RAB31: variants seen among roughly 807,000 people sequenced by gnomAD.
RAB31 encodes RAB31, member RAS oncogene family.
Under a neutral mutation model 25.6 loss-of-function variants are expected in RAB31, and 21 were observed. The ratio of observed to expected loss-of-function variants is 0.82; its 90% CI spans 0.58 to 1.18. The LOEUF (loss-of-function observed/expected upper bound fraction) is 1.18, where lower values mean the gene tolerates loss of function less well. Among genes scored for constraint, RAB31 ranks in the 50% most tolerant of loss-of-function variants. RAB31 has a pLI of 0.00. For missense variants in RAB31, 196 were observed against 250.1 expected, an observed-to-expected ratio of 0.78 and a Z score of 1.46; for synonymous variants, 87 against 84.0, an observed-to-expected ratio of 1.04 and a Z score of -0.20.
chr18:9,822,705 G>A (rs922909117), intron 5 of RAB31, among the ~76,000 whole-genome samples: 23 of 152,106 alleles, frequency 1.5e-4, no homozygotes, highest in African/African-American at 4.3e-4. Context: ...ATAAGGCGAC[G>A]TTCAATATCA....
chr18:9,824,588 C>T (rs1599055207), intron 5 of RAB31, among the ~76,000 whole-genome samples: 1 of 152,180 alleles, frequency 6.6e-6, no homozygotes, highest in Non-Finnish European at 1.5e-5. Context: ...ATTCGCCCTC[C>T]AACCTTGGCT....
At chr18:9,815,253 A>T (rs2068595489) in intron 5 of RAB31, 31 bp downstream of exon 5, 2 of 1,440,218 alleles carry the variant, frequency 1.4e-6, no homozygotes, top group Non-Finnish European at 1.9e-6. Context: ...TTTTGTGTAG[A>T]TACTGTCCTC....
chr18:9,769,302 C>T (rs906200879), intron 1 of RAB31, among the ~76,000 whole-genome samples: 7 of 152,252 alleles, frequency 4.6e-5, no homozygotes, highest in East Asian at 1.9e-4. Flanking sequence ...ACCATTTTCA[C>T]GATATTGATT....
chr18:9,711,709 C>T (rs1185285947), intron 1 of RAB31, among the ~76,000 whole-genome samples: 1 of 152,214 alleles, frequency 6.6e-6, no homozygotes, highest in Non-Finnish European at 1.5e-5. Flanking sequence ...AGCCATGAGA[C>T]ACCTCCCTGA....
intron 1 of RAB31, among the ~76,000 whole-genome samples, chr18:9,719,660 T>C (rs1305946971): frequency 1.6e-4 from 25 of 152,080 alleles, no homozygotes; most frequent in Non-Finnish European, 1.5e-5. Flanking sequence ...AACCTCACCA[T>C]CCTGCCCTGT....
intron 3 of RAB31, among the ~76,000 whole-genome samples, chr18:9,807,265 C>T (rs559941425): frequency 4.4e-4 from 67 of 152,156 alleles, no homozygotes; most frequent in Non-Finnish European, 2.2e-4. Context: ...GGCTGTGCAG[C>T]GAAGATACTG....
chr18:9,782,125 G>A (rs2068408075), intron 2 of RAB31, among the ~76,000 whole-genome samples: 1 of 152,180 alleles, frequency 6.6e-6, no homozygotes, highest in African/African-American at 2.4e-5. Flanking sequence ...TGCCATTCCC[G>A]CTAGGTATTG....
intron 1 of RAB31, among the ~76,000 whole-genome samples, chr18:9,745,606 C>G (rs1385298190): frequency 6.6e-6 from 1 of 152,020 alleles, no homozygotes; most frequent in Non-Finnish European, 1.5e-5. Context: ...GGGGTTTATC[C>G]CAGGAGTGCA....
At chr18:9,768,397 C>T (rs1342934998) in intron 1 of RAB31, among the ~76,000 whole-genome samples, 1 of 152,214 alleles carries the variant, frequency 6.6e-6, no homozygotes, top group Non-Finnish European at 1.5e-5. Context: ...ACCATTCTAA[C>T]TGGTGTGAGA....
chr18:9,771,084 T>A (rs2068342633), intron 1 of RAB31, among the ~76,000 whole-genome samples: 1 of 151,962 alleles, frequency 6.6e-6, no homozygotes, highest in South Asian at 2.1e-4. Flanking sequence ...AGCGAGAGGA[T>A]CACTTGAGCT....
intron 6 of RAB31, among the ~76,000 whole-genome samples, chr18:9,858,897 G>C (rs1018617213): frequency 6.6e-6 from 1 of 152,200 alleles, no homozygotes; most frequent in Non-Finnish European, 1.5e-5. Flanking sequence ...GGAGAGGGAA[G>C]AGCGCGCTGA....
chr18:9,777,171 T>G (rs1436823507), intron 2 of RAB31, among the ~76,000 whole-genome samples: 1 of 19,210 alleles, frequency 5.2e-5, no homozygotes. Flanking sequence ...GTGAAACCCC[T>G]CTCTACTAAA....
chr18:9,768,579 G>T (rs1328352019), intron 1 of RAB31, among the ~76,000 whole-genome samples: 1 of 151,802 alleles, frequency 6.6e-6, no homozygotes, highest in Non-Finnish European at 1.5e-5. Context: ...TAAGTTCTTT[G>T]TAGATTCTGG....
At position 9,832,983 on chromosome 18, in the gene RAB31, G is replaced by A. The variant is rs150406676; in HGVS notation, c.381-12599G>A. 8.3e-3 allele frequency among the ~76,000 whole-genome samples: 1,263 copies of A among 152,176 alleles called. 21 individuals carry two copies. Among genetic ancestry groups the A allele is most frequent in the African/African-American group, 0.029 (1,204 of 41,516 alleles). On this transcript the variant is annotated intron_variant, in intron 5 of 6. Transcript: ENST00000578921. The stretch of plus-strand genomic sequence containing the variant: ...CTGCACCGAGAACTCCCGTGATGGG[G>A]TCTCACGGGAGTCCACGGAGGAGAA...
intron 1 of RAB31, among the ~76,000 whole-genome samples, chr18:9,765,944 G>A (rs752725173): frequency 1.1e-4 from 17 of 151,814 alleles, no homozygotes; most frequent in Non-Finnish European, 1.6e-4. Flanking sequence ...GTAGGGGGCC[G>A]GGTGTAGGGG....
At chr18:9,849,667 G>A (rs951125811) in intron 6 of RAB31, 1 of 152,380 alleles carries the variant, frequency 6.6e-6, no homozygotes, top group Admixed American at 6.5e-5. Context: ...GTTACTATGG[G>A]GCGAGGGAGT....
intron 3 of RAB31, among the ~76,000 whole-genome samples, chr18:9,805,548 C>T (rs1321448307): frequency 2.0e-5 from 3 of 152,142 alleles, no homozygotes; most frequent in Non-Finnish European, 2.9e-5. Flanking sequence ...AAGATAATGT[C>T]CTCATATGAA....
At chr18:9,775,129 T>C in intron 1 of RAB31, 149 bp from the exon 2 acceptor site, 1 of 1,235,082 alleles carries the variant, frequency 8.1e-7, no homozygotes, top group Non-Finnish European at 1.1e-6. Flanking sequence ...TGGTGAGAAA[T>C]AGAAGAAAAT....
At chr18:9,858,594 G>A (rs560326479) in intron 6 of RAB31, among the ~76,000 whole-genome samples, 38 of 152,202 alleles carry the variant, frequency 2.5e-4, no homozygotes, top group Non-Finnish European at 4.7e-4. Context: ...GAGACTTTCT[G>A]ATAATTTTTA....
Sources: gnomAD v4.1 joint callset for allele counts (sites outside exome capture counted in the v4.1 genomes callset) on GRCh38, gnomAD v4.1.1 for gene constraint, MANE v1.5 for transcripts, NCBI Gene and HGNC (gene_info 2026-07-23, HGNC 2026-07-21) for gene names.